The following NDUFA5 variants were observed in gnomAD, a reference collection of about 807,000 sequenced individuals.
NDUFA5 encodes NADH:ubiquinone oxidoreductase subunit A5, also known as NADH dehydrogenase [ubiquinone] 1 alpha subcomplex subunit 5.
Under a neutral mutation model 19.8 loss-of-function variants are expected in NDUFA5, and 11 were observed. That is an observed-to-expected ratio of 0.56 (90% confidence interval 0.35 to 0.92). NDUFA5 has a LOEUF of 0.92. NDUFA5 is among the 40% of genes least tolerant of loss of function. The pLI is 0.01. For synonymous variants in NDUFA5, 47 were observed against 46.8 expected, an observed-to-expected ratio of 1.00 and a Z score of -0.01; for missense variants, 109 against 134.2, an observed-to-expected ratio of 0.81 and a Z score of 0.93.
chr7:123,599,714 C>T, the NDUFA5 span, among the ~76,000 whole-genome samples: 1 of 152,214 alleles, frequency 6.6e-6, no homozygotes, highest in East Asian at 1.9e-4. Context: ...CTTCATCTTT[C>T]ATATCAGTTG....
At chr7:123,580,216 G>A in the NDUFA5 span, among the ~76,000 whole-genome samples, 141 of 152,156 alleles carry the variant, frequency 9.3e-4, no homozygotes, top group African/African-American at 3.1e-3. Flanking sequence ...GAAAGGATGC[G>A]TTTTGCCTGT....
At chr7:123,595,561 C>T in the NDUFA5 span, among the ~76,000 whole-genome samples, 1 of 152,182 alleles carries the variant, frequency 6.6e-6, no homozygotes, top group African/African-American at 2.4e-5. Context: ...CATTTTCTTA[C>T]TTATGTAACA....
the NDUFA5 span, among the ~76,000 whole-genome samples, chr7:123,563,530 T>C: frequency 6.6e-6 from 1 of 152,034 alleles, no homozygotes; most frequent in Non-Finnish European, 1.5e-5. Flanking sequence ...TAATTACAGA[T>C]CACCATAATA....
the NDUFA5 span, among the ~76,000 whole-genome samples, chr7:123,588,012 T>C: frequency 2.0e-5 from 3 of 151,882 alleles, no homozygotes; most frequent in East Asian, 5.8e-4. Context: ...TATGGTGTCC[T>C]TGTCTGGCTT....
the NDUFA5 span, among the ~76,000 whole-genome samples, chr7:123,599,831 A>T: frequency 1.3e-5 from 2 of 152,194 alleles, no homozygotes; most frequent in African/African-American, 2.4e-5. Context: ...TTGGAACAAC[A>T]GTAGTATTCA....
the NDUFA5 span, among the ~76,000 whole-genome samples, chr7:123,591,083 T>A: frequency 3.9e-5 from 6 of 152,312 alleles, no homozygotes; most frequent in African/African-American, 1.4e-4. Context: ...AGTTCACTCA[T>A]AATTTGGCTC....
At chr7:123,577,931 T>A in the NDUFA5 span, among the ~76,000 whole-genome samples, 1 of 151,916 alleles carries the variant, frequency 6.6e-6, no homozygotes, top group East Asian at 1.9e-4. Context: ...CCGGGATACG[T>A]GTGCAGAATG....
chr7:123,565,274 T>A, the NDUFA5 span, among the ~76,000 whole-genome samples: 4 of 152,156 alleles, frequency 2.6e-5, no homozygotes, highest in African/African-American at 9.7e-5. Flanking sequence ...ACCTTATTGG[T>A]GAGGGTAATC....
chr7:123,581,798 T>C, the NDUFA5 span, among the ~76,000 whole-genome samples: 1 of 151,944 alleles, frequency 6.6e-6, no homozygotes, highest in South Asian at 2.1e-4. Context: ...GTTTGTATAT[T>C]TTCTCCCTTT....
rs902915120 is a variant in NDUFA5 at position 123,540,992 on chromosome 7, G to A, written c.*1127C>T. 6 of 150,632 alleles carry A rather than the reference G, an allele frequency of 4.0e-5. No homozygotes were observed. The highest frequency in any genetic ancestry group is 3.9e-4 in the East Asian group (2 of 5,138). 9.3% of individuals were successfully genotyped at this position (150,632 alleles called of 1,614,324 possible). A position where few individuals can be genotyped will look rare whatever the true frequency, so the allele number is the denominator to read the frequency against. On this transcript the variant is annotated 3_prime_UTR_variant, in exon 5 of 5. Transcript: ENST00000355749. ...TATCTATGAAGGAAAGAGATACCAC[G>A]TTAAATTTAACCAAGTATTTAGGAA...
chr7:123,581,345 T>C, the NDUFA5 span, among the ~76,000 whole-genome samples: 1 of 151,442 alleles, frequency 6.6e-6, no homozygotes, highest in African/African-American at 2.4e-5. Flanking sequence ...ATCATTTTAC[T>C]ATTTGCCCTT....
At chr7:123,593,638 A>G in the NDUFA5 span, among the ~76,000 whole-genome samples, 2 of 152,156 alleles carry the variant, frequency 1.3e-5, no homozygotes, top group Non-Finnish European at 2.9e-5. Flanking sequence ...GTTTCTGCCA[A>G]GAGATCCACT....
chr7:123,566,989 G>T, the NDUFA5 span: 5 of 152,194 alleles, frequency 3.3e-5, no homozygotes, highest in African/African-American at 1.2e-4. Context: ...CATGAAAGAT[G>T]CATATGTGTT....
At chr7:123,578,139 C>A in the NDUFA5 span, among the ~76,000 whole-genome samples, 1 of 149,738 alleles carries the variant, frequency 6.7e-6, no homozygotes, top group South Asian at 2.1e-4. Flanking sequence ...AATAAAAGGA[C>A]AAATGAATAG....
At chr7:123,578,624 C>A in the NDUFA5 span, among the ~76,000 whole-genome samples, 1 of 151,854 alleles carries the variant, frequency 6.6e-6, no homozygotes. Flanking sequence ...TTTGTATATA[C>A]TCTTTTAATA....
At chr7:123,587,605 C>T in the NDUFA5 span, among the ~76,000 whole-genome samples, 1 of 151,616 alleles carries the variant, frequency 6.6e-6, no homozygotes, top group African/African-American at 2.4e-5. Context: ...CGAGAGAAGG[C>T]TTCCTTGTCT....
At chr7:123,586,469 T>C in the NDUFA5 span, among the ~76,000 whole-genome samples, 1 of 151,794 alleles carries the variant, frequency 6.6e-6, no homozygotes, top group Non-Finnish European at 1.5e-5. Flanking sequence ...TTATATATTT[T>C]GGATATATGT....
At chr7:123,586,949 G>GTCTTTGTATTATAATTTGAAA in the NDUFA5 span, among the ~76,000 whole-genome samples, 1 of 143,912 alleles carries the variant, frequency 6.9e-6, no homozygotes, top group African/African-American at 2.9e-5. Context: ...CTATATCTTT[G>GTCTTTGTATTATAATTTGAAA]TCTTTGTATT....
At chr7:123,569,942 ATTATG>A in the NDUFA5 span, among the ~76,000 whole-genome samples, 1 of 151,466 alleles carries the variant, frequency 6.6e-6, no homozygotes, top group Middle Eastern at 3.4e-3. Context: ...GATTGTTATT[ATTATG>A]TTTTTGACTA....
Sources: allele counts gnomAD v4.1 joint callset (sites outside exome capture counted in the v4.1 genomes callset), GRCh38; gene constraint gnomAD v4.1.1; transcripts MANE v1.5; gene names NCBI Gene and HGNC (gene_info 2026-07-23, HGNC 2026-07-21).